OPCML: variants seen among roughly 807,000 people sequenced by gnomAD.
The protein encoded by OPCML is opioid-binding protein/cell adhesion molecule.
A neutral mutation model predicts 37.8 loss-of-function variants in OPCML; 13 were observed. The observed-to-expected ratio is 0.34, with a 90% CI of 0.22 to 0.55. The LOEUF (loss-of-function observed/expected upper bound fraction) is 0.55. OPCML is among the 20% of genes least tolerant of loss of function. OPCML has a pLI of 0.91. For synonymous variants in OPCML, 176 were observed against 168.8 expected, an observed-to-expected ratio of 1.04 and a Z score of -0.33; for missense variants, 341 against 435.6, an observed-to-expected ratio of 0.78 and a Z score of 1.93.
At chr11:133,197,452 G>A (rs78656210) in intron 1 of OPCML, among the ~76,000 whole-genome samples, 11,895 of 152,220 alleles carry the variant, frequency 0.078, 544 homozygotes, top group South Asian at 0.17. Flanking sequence ...CCTAATAAAC[G>A]TGACAATAGG....
chr11:132,600,670 G>A (rs191259961), intron 3 of OPCML, among the ~76,000 whole-genome samples: 1 of 152,056 alleles, frequency 6.6e-6, no homozygotes, highest in Admixed American at 6.5e-5. Flanking sequence ...TTCAAAGTGA[G>A]TAATTTATAT....
intron 1 of OPCML, among the ~76,000 whole-genome samples, chr11:133,144,469 G>A (rs946924643): frequency 6.6e-6 from 1 of 152,210 alleles, no homozygotes; most frequent in Admixed American, 6.5e-5. Context: ...AGAAGTGATG[G>A]CAAGGAGGGA....
rs58236193 is a variant in OPCML, at chr11:133,160,632, T to C, written c.62-217622A>G. Among the ~76,000 whole-genome samples, 1,370 of 152,368 alleles carry C rather than the reference T, an allele frequency of 9.0e-3. 16 individuals are homozygous for C. The highest frequency in any genetic ancestry group is 0.032 in the African/African-American group (1,323 of 41,592). On this transcript the variant is annotated intron_variant, in intron 1 of 7. Transcript: ENST00000524381. ...CCTTGCATCTTGCCTCCCAACCTTC[T>C]TCCCTGATTCCCAACCTTCCAGTTT...
At chr11:133,315,408 A>G (rs190066685) in intron 1 of OPCML, among the ~76,000 whole-genome samples, 1 of 152,304 alleles carries the variant, frequency 6.6e-6, no homozygotes, top group East Asian at 1.9e-4. Flanking sequence ...GACACTTAGG[A>G]AAACCACTAC....
intron 1 of OPCML, among the ~76,000 whole-genome samples, chr11:132,993,192 G>T (rs943829267): frequency 9.2e-5 from 14 of 152,150 alleles, no homozygotes; most frequent in African/African-American, 3.4e-4. Context: ...GTCTATGTAC[G>T]TAGGTATCTG....
intron 4 of OPCML, among the ~76,000 whole-genome samples, chr11:132,484,006 G>T (rs2096190495): frequency 6.6e-6 from 1 of 152,150 alleles, no homozygotes; most frequent in Non-Finnish European, 1.5e-5. Flanking sequence ...CATAGGCATG[G>T]GCAAGGACTT....
intron 1 of OPCML, among the ~76,000 whole-genome samples, chr11:133,341,920 G>GA (rs1943878669): frequency 6.7e-6 from 1 of 149,642 alleles, no homozygotes; most frequent in Non-Finnish European, 1.5e-5. Context: ...TCCATTTTGG[G>GA]GAAAAAAAAA....
chr11:133,109,697 T>C (rs1002665082), intron 1 of OPCML, among the ~76,000 whole-genome samples: 3 of 152,208 alleles, frequency 2.0e-5, no homozygotes, highest in Admixed American at 1.3e-4. Flanking sequence ...TTTTGGGTAG[T>C]CTACCTGGTG....
chr11:132,617,494 C>G (rs895075924), intron 3 of OPCML, among the ~76,000 whole-genome samples: 4 of 152,146 alleles, frequency 2.6e-5, no homozygotes, highest in African/African-American at 9.7e-5. Flanking sequence ...GTGATTGGCC[C>G]CTCCATGCAC....
At chr11:132,957,870 A>G (rs750429593) in intron 1 of OPCML, among the ~76,000 whole-genome samples, 11 of 152,180 alleles carry the variant, frequency 7.2e-5, no homozygotes, top group Non-Finnish European at 1.3e-4. Flanking sequence ...ACCATTCTCC[A>G]GTCTCTCTCC....
intron 4 of OPCML, among the ~76,000 whole-genome samples, chr11:132,457,193 G>T (rs2096085420): frequency 6.6e-6 from 1 of 152,118 alleles, no homozygotes; most frequent in Non-Finnish European, 1.5e-5. Flanking sequence ...AGAGATAGAG[G>T]GAGTCAAATG....
Position 133,192,399 on chromosome 11 carries a change from C to G in OPCML, c.62-249389G>C, listed in dbSNP as rs1938360997. 2.0e-5 allele frequency among the ~76,000 whole-genome samples: 3 copies of G among 152,158 alleles called. No homozygotes were observed. The South Asian group carries it at 6.2e-4, about 32-fold the overall frequency. ...ATCCAGGTCTGGAAGAGAAACAGAT[C>G]TAAGTTCTATGTGATTGTCCGACCA... On this transcript the variant is annotated intron_variant, in intron 1 of 7. Transcript: ENST00000524381.
At chr11:132,431,932 G>A (rs1485410763) in intron 7 of OPCML, among the ~76,000 whole-genome samples, 6 of 152,150 alleles carry the variant, frequency 3.9e-5, no homozygotes, top group African/African-American at 1.4e-4. Flanking sequence ...TTACAAGAAT[G>A]GCTTCAGAAG....
chr11:133,115,162 G>A (rs1949313171), intron 1 of OPCML, among the ~76,000 whole-genome samples: 2 of 152,288 alleles, frequency 1.3e-5, no homozygotes, highest in Admixed American at 6.5e-5. Context: ...CTACATTCTA[G>A]CTCTGAGCCG....
At chr11:133,004,994 C>G (rs1397067649) in intron 1 of OPCML, 2 of 985,300 alleles carry the variant, frequency 2.0e-6, no homozygotes, top group East Asian at 1.1e-4. Flanking sequence ...CTGCTGCACT[C>G]TTACTCCTCC....
intron 1 of OPCML, among the ~76,000 whole-genome samples, chr11:133,445,161 G>T (rs896631744): frequency 1.3e-5 from 2 of 149,100 alleles, no homozygotes; most frequent in Admixed American, 6.7e-5. Context: ...GGTATGAAAG[G>T]TCACCAAGAG....
chr11:133,098,008 T>A lies in OPCML; in HGVS notation c.62-154998A>T, dbSNP rs1030789779. ...AAGTAGAGGAAATAACTCTTAATAC[T>A]TCATCATTCTATGAGGCCAGCATTA... On this transcript the variant is annotated intron_variant, in intron 1 of 7. Transcript: ENST00000524381. Among the ~76,000 whole-genome samples, 7 of 152,236 alleles carry A rather than the reference T, an allele frequency of 4.6e-5. No individual in the cohort carries two copies. The East Asian group carries it at 1.4e-3, about 29-fold the overall frequency.
intron 2 of OPCML, among the ~76,000 whole-genome samples, chr11:132,936,310 A>G (rs1168689851): frequency 6.6e-6 from 1 of 152,202 alleles, no homozygotes. Context: ...GAAAAGAAGC[A>G]TAAAGGTCTT....
chr11:133,194,145 C>T (rs1938436666), intron 1 of OPCML, among the ~76,000 whole-genome samples: 1 of 151,824 alleles, frequency 6.6e-6, no homozygotes, highest in South Asian at 2.1e-4. Context: ...AACCTGACTC[C>T]CTCCACTCAT....
Sources: gnomAD v4.1 joint callset for allele counts (sites outside exome capture counted in the v4.1 genomes callset) on GRCh38, gnomAD v4.1.1 for gene constraint, MANE v1.5 for transcripts, NCBI Gene and HGNC (gene_info 2026-07-23, HGNC 2026-07-21) for gene names.